Variants in MRC2 observed in about 807,000 individuals in gnomAD.
MRC2 encodes mannose receptor C-type 2.
MRC2 carries 84 observed loss-of-function variants against 206.2 expected under a neutral mutation model. The ratio of observed to expected loss-of-function variants is 0.41; its 90% confidence interval spans 0.34 to 0.49. MRC2 has a LOEUF of 0.49. Among genes scored for constraint, MRC2 ranks in the 20% least tolerant of loss-of-function variants. The probability of loss-of-function intolerance (pLI) is 0.31; values close to 1 mark genes in which losing one functional copy is unlikely to be tolerated. For synonymous variants in MRC2, 798 were observed against 800.0 expected (o/e 1.00, Z 0.04); for missense variants, 1,676 against 2,001.5 (o/e 0.84, Z 3.10).
chr17:62,661,148 A>C (rs576080878), intron 1 of MRC2, among the ~76,000 whole-genome samples: 18 of 152,358 alleles, frequency 1.2e-4, no homozygotes, highest in Non-Finnish European at 1.9e-4. Flanking sequence ...GGTCAAAGCG[A>C]CTTGAGCAAG....
At chr17:62,632,491 A>G (rs2088256100) in intron 1 of MRC2, among the ~76,000 whole-genome samples, 1 of 152,108 alleles carries the variant, frequency 6.6e-6, no homozygotes, top group African/African-American at 2.4e-5. Flanking sequence ...TTGTTGTAGA[A>G]GAAGGACCAA....
Position 62,688,593 on chromosome 17 carries a change from C to T in MRC2, c.3154C>T (p.Pro1052Ser). 6.2e-7 allele frequency: 1 copy of T among 1,614,216 alleles called. No homozygotes were observed. Among genetic ancestry groups the T allele is most frequent in the Non-Finnish European group, 8.5e-7 (1 of 1,180,036 alleles). Residue 1052 changes from proline (P) to serine (S), a missense_variant, in exon 22 of 30, where the codon CCT (proline) becomes TCT (serine). By Grantham distance (74) the Pro-to-Ser change is moderately conservative. Transcript: ENST00000303375. ...GGACTTCCAGTGGGTGGAGCAGGAG[C>T]CTTTGATGTATGCCAACTGGGCACC... is the stretch of plus-strand genomic sequence containing the variant. ...QRDFQWVEQE[P>S]LMYANWAPGE...
At chr17:62,647,840 G>A (rs982711697) in intron 1 of MRC2, among the ~76,000 whole-genome samples, 7 of 152,198 alleles carry the variant, frequency 4.6e-5, no homozygotes, top group African/African-American at 1.7e-4. Context: ...TTTGTGAGGA[G>A]CCGTGAGGTG....
At chr17:62,665,814 GGCCC>G (rs2088745799) in intron 2 of MRC2, among the ~76,000 whole-genome samples, 1 of 152,238 alleles carries the variant, frequency 6.6e-6, no homozygotes, top group South Asian at 2.1e-4. Context: ...GTGACTTGGA[GGCCC>G]TCTTGCCCAG....
rs2084178338 is a variant in MRC2, at chr17:62,627,673, A to C, written c.-130A>C. On this transcript the variant is annotated 5_prime_UTR_variant, in exon 1 of 30. Transcript: ENST00000303375. ...TCCCTCCTCCTCCCCGGGAGGCATC[A>C]CTTCGTCCCGACCCGGAGGAGGACG... The C allele has an allele frequency of 5.1e-6, 3 of 591,724 alleles. No homozygotes were observed. The highest frequency in any genetic ancestry group is 7.7e-6 in the Non-Finnish European group (3 of 388,002). 36.7% of individuals were successfully genotyped at this position (591,724 alleles called of 1,614,324 possible). A position where few individuals can be genotyped will look rare whatever the true frequency, so the allele number is the denominator to read the frequency against.
At chr17:62,644,563 T>A (rs2088450975) in intron 1 of MRC2, among the ~76,000 whole-genome samples, 1 of 152,014 alleles carries the variant, frequency 6.6e-6, no homozygotes, top group South Asian at 2.1e-4. Context: ...GAAATAAACA[T>A]GTTCGTATCT....
At chr17:62,687,296 G>A (rs2089043670) in intron 20 of MRC2, among the ~76,000 whole-genome samples, 1 of 152,198 alleles carries the variant, frequency 6.6e-6, no homozygotes, top group Non-Finnish European at 1.5e-5. Context: ...AAGTAGCTGG[G>A]ATTACAGGCA....
rs1198534203 is a variant in MRC2 at position 62,675,464 on chromosome 17, C to G, written c.1570-326C>G. The stretch of plus-strand genomic sequence containing the variant: ...TTCCCAGCCAACAGTAATTTCCCCA[C>G]TGTGTCTCTTGGTTTAAATGCCCAA... On this transcript the variant is annotated intron_variant, in intron 9 of 29. Transcript: ENST00000303375. This position sits in a 1 kb window ranked among gnomAD's most constrained non-coding sequence, Gnocchi z 4.1. Among the ~76,000 whole-genome samples, 2 of 152,216 alleles carry G rather than the reference C, an allele frequency of 1.3e-5. No individual in the cohort carries two copies. The highest frequency in any genetic ancestry group is 4.8e-5 in the African/African-American group (2 of 41,452).
intron 1 of MRC2, 33 bp downstream of exon 1, chr17:62,627,953 C>A: frequency 7.3e-7 from 1 of 1,362,652 alleles, no homozygotes; most frequent in Non-Finnish European, 9.5e-7. Context: ...AACTTCAGGG[C>A]CCGGGCGGGG....
At chr17:62,654,323 C>T (rs1328535812) in intron 1 of MRC2, among the ~76,000 whole-genome samples, 3 of 152,092 alleles carry the variant, frequency 2.0e-5, no homozygotes, top group African/African-American at 7.2e-5. Flanking sequence ...GCCTTTGCTC[C>T]TGCGGTTGGG....
rs748346412 is a variant in MRC2 at position 62,666,884 on chromosome 17, T to C, written c.973+14T>C. The C allele has an allele frequency of 5.0e-6, 8 of 1,610,764 alleles. No homozygotes were observed. Among genetic ancestry groups the C allele is most frequent in the South Asian group, 1.1e-5 (1 of 90,942 alleles). ...ACTGGGAGAGTGGTGAGGCACAAGG[T>C]TGGGGGCGCAGGGCAGCATAGGGGC... On this transcript the variant is annotated intron_variant, in intron 5 of 29. Transcript: ENST00000303375. The surrounding 1 kb of genome is among the most constrained non-coding windows in gnomAD (Gnocchi z 5.0).
chr17:62,672,215 C>G lies in MRC2; in HGVS notation c.1461+63C>G. On this transcript the variant is annotated intron_variant, in intron 8 of 29. Coordinates refer to ENST00000303375, the MANE Select transcript of MRC2 (RefSeq NM_006039.5). This position sits in a 1 kb window ranked among gnomAD's most constrained non-coding sequence, Gnocchi z 4.5. ...ACACCCCCAACCTCCAGGTGCCACC[C>G]CAGCTGAAGGACATCCTAGTTACTA... 1 of 1,591,532 alleles carries G rather than the reference C, an allele frequency of 6.3e-7. No individual in the cohort carries two copies. The highest frequency in any genetic ancestry group is 8.6e-7 in the Non-Finnish European group (1 of 1,161,598).
intron 1 of MRC2, among the ~76,000 whole-genome samples, chr17:62,628,336 T>A (rs2084187249): frequency 6.6e-6 from 1 of 152,246 alleles, no homozygotes; most frequent in South Asian, 2.1e-4. Context: ...CCCAGTCTCC[T>A]CGCTCTGCCC....
chr17:62,653,237 G>A (rs1056141026), intron 1 of MRC2, among the ~76,000 whole-genome samples: 1 of 152,186 alleles, frequency 6.6e-6, no homozygotes, highest in African/African-American at 2.4e-5. Flanking sequence ...TTTGGTCTAA[G>A]ACAAAAGCCA....
rs1467192653 is a variant in MRC2, at chr17:62,671,983, C to G, written c.1307-15C>G. ...TCAATGTTTTCTCTCCCCTCCTCTC[C>G]TGCTGCACCCCCAGAGGTGGAGGAG... On this transcript the variant is annotated splice_polypyrimidine_tract_variant and intron_variant, in intron 7 of 29. Transcript: ENST00000303375. This position sits in a 1 kb window ranked among gnomAD's most constrained non-coding sequence, Gnocchi z 4.5. 1.2e-6 allele frequency: 2 copies of G among 1,614,142 alleles called. No homozygotes were observed. Among genetic ancestry groups the G allele is most frequent in the Admixed American group, 3.3e-5 (2 of 60,026 alleles).
chr17:62,660,617 C>T (rs1305263121), intron 1 of MRC2, among the ~76,000 whole-genome samples: 3 of 152,168 alleles, frequency 2.0e-5, no homozygotes, highest in Non-Finnish European at 4.4e-5. Context: ...AGGCAAAACT[C>T]AAACAACCCC....
chr17:62,680,586 T>C lies in MRC2; in HGVS notation c.2473+133T>C. 7.2e-7 allele frequency: 1 copy of C among 1,386,930 alleles called. No homozygotes were observed. Among genetic ancestry groups the C allele is most frequent in the Non-Finnish European group, 9.9e-7 (1 of 1,010,750 alleles). The allele number at this position is 1,386,930 out of a possible 1,614,324, so 85.9% of individuals were successfully genotyped here. On this transcript the variant is annotated intron_variant, in intron 16 of 29. Coordinates refer to ENST00000303375, the MANE Select transcript of MRC2 (RefSeq NM_006039.5). This position sits in a 1 kb window ranked among gnomAD's most constrained non-coding sequence, Gnocchi z 4.8. ...TCGAGAGAAGGGGGACGGGGTTGGC[T>C]CGGACGGAGGCAGCCACAGCCCTGT...
rs1042066603 is a variant in MRC2 at position 62,666,753 on chromosome 17, T to C, written c.860-4T>C. On this transcript the variant is annotated splice_polypyrimidine_tract_variant and splice_region_variant and intron_variant, in intron 4 of 29. Transcript: ENST00000303375. The surrounding 1 kb of genome is among the most constrained non-coding windows in gnomAD (Gnocchi z 5.0). ...CCCTGTTCAGTGTCCCTCCTTGCTG[T>C]CAGGCCTCCTCACTGGGTACAGCTC... The C allele has an allele frequency of 1.2e-6, 2 of 1,613,214 alleles. No individual in the cohort carries two copies. Among genetic ancestry groups the C allele is most frequent in the African/African-American group, 2.7e-5 (2 of 74,924 alleles).
rs1485188347 is a variant in MRC2, at chr17:62,679,822, G to A, written c.2218G>A (p.Glu740Lys). 18 of 1,613,956 alleles carry A rather than the reference G, an allele frequency of 1.1e-5. No individual in the cohort carries two copies. Among genetic ancestry groups the A allele is most frequent in the East Asian group, 2.2e-5 (1 of 44,886 alleles). ...IFGESEPEIH[E>K]QHWFWIGLNR... ...AAGTGAATCAGAACCCGAGATCCAC[G>A]AGCAGCACTGGTTCTGGATCGGCCT... Residue 740 changes from glutamate (E) to lysine (K), a missense_variant, in exon 14 of 30, where the codon GAG becomes AAG. Physicochemically the swap from Glu to Lys is moderately conservative, Grantham distance 56 (BLOSUM62 1). Around this residue, in one of 3 missense-constraint regions of MRC2, gnomAD observed 1,354 missense variants for 1,636.6 expected, o/e 0.83. Coordinates refer to ENST00000303375, the MANE Select transcript of MRC2 (RefSeq NM_006039.5).
Sources: allele counts gnomAD v4.1 joint callset (sites outside exome capture counted in the v4.1 genomes callset), GRCh38; gene constraint gnomAD v4.1.1; regional missense constraint gnomAD v4.1.1; non-coding constraint Gnocchi (gnomAD v3.1); transcripts MANE v1.5; gene names NCBI Gene and HGNC (gene_info 2026-07-23, HGNC 2026-07-21).